EPB41L1: variants seen among roughly 807,000 people sequenced by gnomAD.
The protein encoded by EPB41L1 is erythrocyte membrane protein band 4.1 like 1.
In EPB41L1, 29 loss-of-function variants were observed where a neutral mutation model predicts 97.8. That is an observed-to-expected ratio of 0.30 (90% CI 0.22 to 0.40). The LOEUF is 0.40. EPB41L1 is among the 10% of genes least tolerant of loss of function. The pLI, the probability that EPB41L1 is intolerant of heterozygous loss-of-function variation, is 1.00. For synonymous variants in EPB41L1, 383 were observed against 459.2 expected, an observed-to-expected ratio of 0.83 and a Z score of 2.12; for missense variants, 812 against 1,162.3, an observed-to-expected ratio of 0.70 and a Z score of 4.38.
rs6058434 is a variant in EPB41L1, at chr20:36,207,450, C to A, written c.1669-2038C>A. The A allele has an allele frequency of 7.2e-5, 93 of 1,289,532 alleles. No homozygotes were observed. Among genetic ancestry groups the A allele is most frequent in the East Asian group, 2.2e-4 (4 of 18,006 alleles). 79.9% of individuals were successfully genotyped at this position (1,289,532 alleles called of 1,614,324 possible). On this transcript the variant is annotated intron_variant, in intron 14 of 21. Coordinates refer to ENST00000338074, the MANE Select transcript of EPB41L1 (RefSeq NM_012156.2). This position sits in a 1 kb window ranked among gnomAD's most constrained non-coding sequence, Gnocchi z 4.9. ...ATATTAGCAAGACCTCAGTGGCCAA[C>A]AAAATTCGGATATTTGAGACCCACG... is the stretch of plus-strand genomic sequence containing the variant.
rs536919167 is a variant in EPB41L1, at chr20:36,202,640, A to AAATAATAAT, written c.1668+4617_1668+4625dup. Among the ~76,000 whole-genome samples, 249 of 149,924 alleles carry AAATAATAAT rather than the reference A, an allele frequency of 1.7e-3. 1 individual carries two copies. Among genetic ancestry groups the AAATAATAAT allele is most frequent in the African/African-American group, 5.8e-3 (238 of 40,688 alleles). On this transcript the variant is annotated intron_variant, in intron 14 of 21. Coordinates refer to ENST00000338074, the MANE Select transcript of EPB41L1 (RefSeq NM_012156.2). ...GAAACCCTGTCTCTACTAAAAATAC[A>AAATAATAAT]AATAATAATAATAATAATAATAATA...
chr20:36,140,033 G>A (rs923532920), intron 2 of EPB41L1, among the ~76,000 whole-genome samples: 7 of 144,918 alleles, frequency 4.8e-5, no homozygotes, highest in Non-Finnish European at 9.1e-5. Context: ...CCCGGCCTAG[G>A]TGGTTTTTTT....
intron 2 of EPB41L1, among the ~76,000 whole-genome samples, chr20:36,127,507 C>T (rs574284578): frequency 3.9e-5 from 6 of 152,230 alleles, no homozygotes; most frequent in African/African-American, 9.6e-5. Flanking sequence ...TGCTGGATCC[C>T]CTTGCTCATT....
chr20:36,214,641 A>G (rs541538407), intron 17 of EPB41L1, among the ~76,000 whole-genome samples: 30 of 152,278 alleles, frequency 2.0e-4, no homozygotes, highest in African/African-American at 6.3e-4. Context: ...TTCCAAAGTG[A>G]GTAATGTGGG....
chr20:36,224,787 T>G (rs1043799798), intron 21 of EPB41L1, among the ~76,000 whole-genome samples: 1 of 152,140 alleles, frequency 6.6e-6, no homozygotes, highest in Non-Finnish European at 1.5e-5. Flanking sequence ...TATAGAAAAT[T>G]TAGGAAGTGT....
chr20:36,217,697 G>A (rs1359521858), intron 17 of EPB41L1, among the ~76,000 whole-genome samples: 1 of 152,186 alleles, frequency 6.6e-6, no homozygotes, highest in East Asian at 1.9e-4. Context: ...TGGGAAGCCT[G>A]CTGCTGGGCC....
chr20:36,193,396 G>A (rs898426349), intron 11 of EPB41L1, among the ~76,000 whole-genome samples: 1 of 152,222 alleles, frequency 6.6e-6, no homozygotes, highest in Non-Finnish European at 1.5e-5. Context: ...GAGTGTATAT[G>A]AATAGAAAGG....
chr20:36,210,340 G>A (rs2063061838), intron 15 of EPB41L1, among the ~76,000 whole-genome samples: 1 of 152,040 alleles, frequency 6.6e-6, no homozygotes, highest in African/African-American at 2.4e-5. Flanking sequence ...AAATCCATCT[G>A]GCCCTGGGGT....
At chr20:36,091,985 T>A (rs1449529812) in intron 1 of EPB41L1, 1 of 152,148 alleles carries the variant, frequency 6.6e-6, no homozygotes, top group Non-Finnish European at 1.5e-5. Flanking sequence ...CCCATTACTT[T>A]GGGGGTGTTT....
chr20:36,218,894 G>A lies in EPB41L1; in HGVS notation c.2287G>A (p.Gly763Arg), dbSNP rs373110371. ...STTMENSLKS[G>R]KGAAAMIPGP... is the part of the protein sequence containing the mutation. ...TCCCCAGGAGAACAGTCTCAAGTCC[G>A]GGAAGGGGGCAGCTGCCATGATCCC... The change falls in exon 18 of 22, where the codon GGG becomes AGG. Residue 763 changes from glycine (G) to arginine (R), a missense_variant. By Grantham distance (125) the Gly-to-Arg change is moderately radical. This residue lies in a region of EPB41L1 where 498 missense variants were observed against 622.7 expected (regional missense o/e 0.80). Transcript: ENST00000338074. The A allele has an allele frequency of 2.5e-5, 40 of 1,614,012 alleles. 1 individual carries two copies. Among genetic ancestry groups the A allele is most frequent in the South Asian group, 1.6e-4 (15 of 91,086 alleles).
At chr20:36,132,706 T>C (rs1213043587) in intron 2 of EPB41L1, among the ~76,000 whole-genome samples, 1 of 147,382 alleles carries the variant, frequency 6.8e-6, no homozygotes, top group Non-Finnish European at 1.5e-5. Flanking sequence ...CCAGGCCTGA[T>C]ATGCTGTGGC....
chr20:36,112,766 G>C (rs544758923), intron 2 of EPB41L1, among the ~76,000 whole-genome samples: 1 of 152,342 alleles, frequency 6.6e-6, no homozygotes, highest in Admixed American at 6.5e-5. Context: ...GGCTGGTGAA[G>C]GACGGTGCTG....
intron 6 of EPB41L1, among the ~76,000 whole-genome samples, chr20:36,184,209 TG>T (rs2061583829): frequency 6.6e-6 from 1 of 151,846 alleles, no homozygotes; most frequent in African/African-American, 2.4e-5. Flanking sequence ...CACTCCAGCC[TG>T]GGTGACAGAG....
At chr20:36,160,442 G>A (rs149950414) in intron 1 of EPB41L1, among the ~76,000 whole-genome samples, 1,559 of 152,108 alleles carry the variant, frequency 0.01, 30 homozygotes, top group African/African-American at 0.036. Flanking sequence ...AAAGTTAGCC[G>A]GGCATGGTGG....
At chr20:36,099,859 G>A (rs937995624) in intron 1 of EPB41L1, among the ~76,000 whole-genome samples, 1 of 152,206 alleles carries the variant, frequency 6.6e-6, no homozygotes, top group African/African-American at 2.4e-5. Flanking sequence ...GGCAGATAGA[G>A]GCCTGGAGTG....
At chr20:36,203,468 C>T (rs985656619) in intron 14 of EPB41L1, among the ~76,000 whole-genome samples, 1 of 152,362 alleles carries the variant, frequency 6.6e-6, no homozygotes, top group East Asian at 1.9e-4. Flanking sequence ...CATTCTCTGC[C>T]AGCACCTGCG....
intron 1 of EPB41L1, among the ~76,000 whole-genome samples, chr20:36,103,707 T>TC (rs199844717): frequency 6.1e-5 from 9 of 146,748 alleles, no homozygotes; most frequent in South Asian, 4.3e-4. Context: ...TTTCTTTCTT[T>TC]TTTTTTTTTT....
At chr20:36,177,819 G>A (rs1363702816) in intron 3 of EPB41L1, 133 bp from the exon 4 acceptor site, 1 of 740,184 alleles carries the variant, frequency 1.4e-6, no homozygotes, top group Non-Finnish European at 2.4e-6. Flanking sequence ...GTGGGTGGCA[G>A]GAGCGCTGCA....
chr20:36,195,183 TG>T lies in EPB41L1; in HGVS notation c.1450-144del. 1 of 874,268 alleles carries T rather than the reference TG, an allele frequency of 1.1e-6. No individual in the cohort carries two copies. Among genetic ancestry groups the T allele is most frequent in the Non-Finnish European group, 1.9e-6 (1 of 531,910 alleles). The allele number at this position is 874,268 out of a possible 1,614,324, so 54.2% of individuals were successfully genotyped here. A position where few individuals can be genotyped will look rare whatever the true frequency, so the allele number is the denominator to read the frequency against. On this transcript the variant is annotated intron_variant, in intron 12 of 21. Coordinates refer to ENST00000338074, the MANE Select transcript of EPB41L1 (RefSeq NM_012156.2). This position sits in a 1 kb window ranked among gnomAD's most constrained non-coding sequence, Gnocchi z 4.6. The stretch of plus-strand genomic sequence containing the variant: ...TCTTCTGACTACCTCACTGCCCTGC[TG>T]GTGGCCCACCCAGCTGCCCTGGCCT...
Sources: gnomAD v4.1 joint callset for allele counts (sites outside exome capture counted in the v4.1 genomes callset) on GRCh38, gnomAD v4.1.1 for gene constraint, gnomAD v4.1.1 regional missense constraint, Gnocchi (gnomAD v3.1) non-coding constraint, MANE v1.5 for transcripts, NCBI Gene and HGNC (gene_info 2026-07-23, HGNC 2026-07-21) for gene names.